Variants in TAFA5 observed in about 807,000 individuals in gnomAD.
The protein encoded by TAFA5 is TAFA chemokine like family member 5, also known as chemokine-like protein TAFA-5.
A neutral mutation model predicts 15.3 loss-of-function variants in TAFA5; 6 were observed. The observed-to-expected ratio is 0.39, with a 90% CI of 0.21 to 0.77. TAFA5 has a LOEUF of 0.77. TAFA5 is among the 30% of genes least tolerant of loss of function. The pLI is 0.41. For missense variants in TAFA5, 161 were observed against 193.1 expected (o/e 0.83, Z 0.98); for synonymous variants, 103 against 80.7 (o/e 1.28, Z -1.48).
At chr22:48,596,743 A>T (rs946909796) in intron 1 of TAFA5, among the ~76,000 whole-genome samples, 2 of 152,046 alleles carry the variant, frequency 1.3e-5, no homozygotes, top group African/African-American at 4.8e-5. Flanking sequence ...GTCCACCGAG[A>T]TCGTAGCATA....
intron 2 of TAFA5, among the ~76,000 whole-genome samples, chr22:48,649,225 G>A (rs1356620384): frequency 1.3e-5 from 2 of 152,228 alleles, no homozygotes; most frequent in African/African-American, 2.4e-5. Context: ...CACTGCTCAG[G>A]TGGGATACCC....
At chr22:48,646,286 G>A (rs565745342) in intron 1 of TAFA5, among the ~76,000 whole-genome samples, 175 of 152,180 alleles carry the variant, frequency 1.1e-3, no homozygotes, top group Admixed American at 2.4e-3. Flanking sequence ...CTTGTGATCC[G>A]AACCTTTCAT....
chr22:48,598,625 G>A lies in TAFA5; in HGVS notation c.113-47972G>A, dbSNP rs1398916679. Among the ~76,000 whole-genome samples, 1 of 152,188 alleles carries A rather than the reference G, an allele frequency of 6.6e-6. No homozygotes were observed. The highest frequency in any genetic ancestry group is 6.5e-5 in the Admixed American group (1 of 15,288). On this transcript the variant is annotated intron_variant, in intron 1 of 3. Coordinates refer to ENST00000402357, the MANE Select transcript of TAFA5 (RefSeq NM_001082967.3). This position sits in a 1 kb window ranked among gnomAD's most constrained non-coding sequence, Gnocchi z 4.0. ...TTCACTCACACTTCTGACACCAAAT[G>A]TGTCAGTTTTTCACACCAACAAGTT... is the stretch of plus-strand genomic sequence containing the variant.
chr22:48,714,383 A>G (rs1307893157), intron 3 of TAFA5, among the ~76,000 whole-genome samples: 2 of 152,308 alleles, frequency 1.3e-5, no homozygotes, highest in Non-Finnish European at 2.9e-5. Flanking sequence ...CTCTGCCTCC[A>G]TTCTGATGCA....
intron 1 of TAFA5, among the ~76,000 whole-genome samples, chr22:48,561,636 G>A (rs185071206): frequency 1.4e-4 from 22 of 152,250 alleles, no homozygotes; most frequent in East Asian, 1.4e-3. Context: ...CGGTGGCCAC[G>A]GCAACGCCTC....
At chr22:48,546,730 C>G in intron 1 of TAFA5, 1 of 393,658 alleles carries the variant, frequency 2.5e-6, no homozygotes, top group South Asian at 1.9e-5. Context: ...ATGTTCCACA[C>G]TCAAATGCCC....
chr22:48,697,235 C>T (rs1363570988), intron 2 of TAFA5, among the ~76,000 whole-genome samples: 1 of 152,168 alleles, frequency 6.6e-6, no homozygotes, highest in Non-Finnish European at 1.5e-5. Context: ...AGAGCCTTCA[C>T]CTAGAATTGC....
At chr22:48,507,522 A>G (rs12169132) in intron 1 of TAFA5, among the ~76,000 whole-genome samples, 3,730 of 152,234 alleles carry the variant, frequency 0.025, 150 homozygotes, top group African/African-American at 0.085. Context: ...AATCTTCTGG[A>G]ATGTGCTCAG....
chr22:48,747,925 T>C (rs1006768726), intron 3 of TAFA5, among the ~76,000 whole-genome samples: 6 of 148,120 alleles, frequency 4.1e-5, no homozygotes, highest in African/African-American at 1.5e-4. Context: ...AAGAATAGCG[T>C]GTTCCTTCAT....
intron 3 of TAFA5, among the ~76,000 whole-genome samples, chr22:48,714,704 G>T (rs1014817669): frequency 1.3e-5 from 2 of 152,236 alleles, no homozygotes; most frequent in Admixed American, 1.3e-4. Flanking sequence ...CTTCTTTCTG[G>T]ATACACTTCC....
At chr22:48,713,250 G>A (rs929659813) in intron 3 of TAFA5, among the ~76,000 whole-genome samples, 2 of 152,198 alleles carry the variant, frequency 1.3e-5, no homozygotes, top group African/African-American at 4.8e-5. Context: ...AAGCCCATTT[G>A]CCCAACGTGA....
intron 1 of TAFA5, among the ~76,000 whole-genome samples, chr22:48,517,278 C>G (rs1247332954): frequency 6.6e-6 from 1 of 152,222 alleles, no homozygotes; most frequent in Non-Finnish European, 1.5e-5. Flanking sequence ...CTGGCACAGA[C>G]TCCAGGCCCA....
At chr22:48,604,077 G>A (rs538169647) in intron 1 of TAFA5, among the ~76,000 whole-genome samples, 5 of 152,296 alleles carry the variant, frequency 3.3e-5, no homozygotes, top group East Asian at 3.9e-4. Context: ...CACTCCAAGC[G>A]ACAGGCGCGC....
chr22:48,666,394 G>A (rs1332463121), intron 2 of TAFA5, among the ~76,000 whole-genome samples: 3 of 127,546 alleles, frequency 2.4e-5, no homozygotes, highest in Middle Eastern at 4.1e-3. Context: ...CAGAAAGAGA[G>A]CAGGAAGCAG....
intron 3 of TAFA5, among the ~76,000 whole-genome samples, chr22:48,731,484 C>G (rs1051232315): frequency 6.6e-6 from 1 of 152,200 alleles, no homozygotes; most frequent in Admixed American, 6.5e-5. Context: ...TTTCGAAGCA[C>G]CAGAGGACAG....
chr22:48,510,431 A>G (rs1202581221), intron 1 of TAFA5, among the ~76,000 whole-genome samples: 1 of 152,256 alleles, frequency 6.6e-6, no homozygotes, highest in Non-Finnish European at 1.5e-5. Context: ...GATGTTCACC[A>G]TGGCTCTTTG....
At chr22:48,648,100 T>C (rs730147) in intron 2 of TAFA5, among the ~76,000 whole-genome samples, 65,726 of 151,752 alleles carry the variant, frequency 0.43, 14,740 homozygotes, top group South Asian at 0.57. Flanking sequence ...TCAGGGCAGC[T>C]ATATCCGTGG....
chr22:48,534,988 G>A (rs191959210), intron 1 of TAFA5, among the ~76,000 whole-genome samples: 16 of 152,098 alleles, frequency 1.1e-4, no homozygotes, highest in African/African-American at 3.1e-4. Context: ...CTGGCCACTC[G>A]TGGGTCCCCA....
At position 48,511,143 on chromosome 22, in the gene TAFA5, C is replaced by T. The variant is rs1232627521; in HGVS notation, c.112+21439C>T. On this transcript the variant is annotated intron_variant, in intron 1 of 3. Transcript: ENST00000402357. ...GGAGACTCAGGAAGCAGGGACAGCC[C>T]TGGAGGAGGCCGCTGGGGATCCCAG... 2.6e-5 allele frequency among the ~76,000 whole-genome samples: 4 copies of T among 152,226 alleles called. 1 individual carries two copies. The highest frequency in any genetic ancestry group is 5.9e-5 in the Non-Finnish European group (4 of 68,040).
Sources: gnomAD v4.1 joint callset for allele counts (sites outside exome capture counted in the v4.1 genomes callset) on GRCh38, gnomAD v4.1.1 for gene constraint, Gnocchi (gnomAD v3.1) non-coding constraint, MANE v1.5 for transcripts, NCBI Gene and HGNC (gene_info 2026-07-23, HGNC 2026-07-21) for gene names.